SLC25A26: variants seen among roughly 807,000 people sequenced by gnomAD.
SLC25A26 encodes the protein mitochondrial S-adenosylmethionine carrier protein.
SLC25A26 carries 36 observed loss-of-function variants against 37.8 expected under a neutral mutation model. The ratio of observed to expected loss-of-function variants is 0.95; its 90% CI spans 0.73 to 1.26. The LOEUF is 1.26. Among genes scored for constraint, SLC25A26 ranks in the 50% most tolerant of loss-of-function variants. The pLI is 0.00. For missense variants in SLC25A26, 390 were observed against 331.1 expected (o/e 1.18, Z -1.38); for synonymous variants, 129 against 122.5 (o/e 1.05, Z -0.35).
intron 1 of SLC25A26, among the ~76,000 whole-genome samples, chr3:66,234,896 C>G (rs1276599619): frequency 6.6e-6 from 1 of 152,046 alleles, no homozygotes; most frequent in Non-Finnish European, 1.5e-5. Context: ...TTACATGGTT[C>G]TGATTTCAAA....
chr3:66,352,503 C>A (rs1289045168), intron 6 of SLC25A26, among the ~76,000 whole-genome samples: 2 of 145,862 alleles, frequency 1.4e-5, no homozygotes, highest in Non-Finnish European at 1.5e-5. Context: ...TAGAAATATT[C>A]TTTCTTCCTT....
At chr3:66,280,753 C>G (rs973947902) in intron 5 of SLC25A26, among the ~76,000 whole-genome samples, 3 of 151,978 alleles carry the variant, frequency 2.0e-5, no homozygotes, top group South Asian at 2.1e-4. Context: ...CCAGGATTCA[C>G]CAGTTAACAT....
rs550421970 is a variant in SLC25A26 at position 66,273,005 on chromosome 3, GT to G, written c.453+9631del. 2.2e-3 allele frequency among the ~76,000 whole-genome samples: 336 copies of G among 152,218 alleles called. 1 individual carries two copies. The highest frequency in any genetic ancestry group is 4.0e-3 in the Non-Finnish European group (270 of 67,996). On this transcript the variant is annotated intron_variant, in intron 5 of 9. Coordinates refer to ENST00000354883, the MANE Select transcript of SLC25A26 (RefSeq NM_001379210.1). ...TTATTGAGAGTTTTTAGCATGAAGG[GT>G]TTTTGAATCTTGTCAAAGGCCTTTT...
At chr3:66,282,696 T>C (rs911159522) in intron 5 of SLC25A26, among the ~76,000 whole-genome samples, 4 of 152,224 alleles carry the variant, frequency 2.6e-5, no homozygotes, top group African/African-American at 9.7e-5. Context: ...CACAGAATTA[T>C]GATTTATTTT....
intron 1 of SLC25A26, among the ~76,000 whole-genome samples, chr3:66,142,692 C>T (rs914205766): frequency 2.0e-5 from 3 of 152,164 alleles, no homozygotes; most frequent in Admixed American, 6.5e-5. Context: ...ATAGGTTTCC[C>T]TGTTTTTTTG....
chr3:66,261,983 T>C (rs1165536563), intron 3 of SLC25A26, 68 bp from the exon 4 acceptor site: 1 of 909,906 alleles, frequency 1.1e-6, no homozygotes, highest in Non-Finnish European at 1.7e-6. Flanking sequence ...CAATTTTTGC[T>C]TACCAAAAAA....
chr3:66,334,776 A>G (rs1344171290), intron 5 of SLC25A26, among the ~76,000 whole-genome samples: 1 of 152,140 alleles, frequency 6.6e-6, no homozygotes, highest in Non-Finnish European at 1.5e-5. Context: ...GGGCAGCCAT[A>G]GCTAACCCAG....
intron 1 of SLC25A26, among the ~76,000 whole-genome samples, chr3:66,164,028 G>A (rs151190690): frequency 6.6e-6 from 1 of 152,260 alleles, no homozygotes; most frequent in African/African-American, 2.4e-5. Context: ...GGCCCAAAAT[G>A]TCAATAGTGT....
At chr3:66,272,588 A>C (rs2073995719) in intron 5 of SLC25A26, among the ~76,000 whole-genome samples, 1 of 152,042 alleles carries the variant, frequency 6.6e-6, no homozygotes, top group Non-Finnish European at 1.5e-5. Context: ...TCTAGGTGTT[A>C]GTTTACATGC....
intron 7 of SLC25A26, among the ~76,000 whole-genome samples, chr3:66,365,344 T>G (rs1219036582): frequency 6.6e-6 from 1 of 152,238 alleles, no homozygotes; most frequent in Non-Finnish European, 1.5e-5. Context: ...TGTAAACTAC[T>G]TGGCGCAAAT....
At chr3:66,170,986 G>T (rs1200440263) in intron 1 of SLC25A26, among the ~76,000 whole-genome samples, 1 of 150,732 alleles carries the variant, frequency 6.6e-6, no homozygotes, top group African/African-American at 2.4e-5. Context: ...TGTATTTTTA[G>T]TAGAGACGGG....
At chr3:66,251,465 C>T (rs781955296) in intron 3 of SLC25A26, among the ~76,000 whole-genome samples, 14 of 152,146 alleles carry the variant, frequency 9.2e-5, no homozygotes, top group Non-Finnish European at 7.3e-5. Context: ...GTGTTGTGCA[C>T]CTACTTGAAT....
intron 6 of SLC25A26, among the ~76,000 whole-genome samples, chr3:66,347,098 G>C (rs549284347): frequency 1.3e-5 from 2 of 152,190 alleles, no homozygotes; most frequent in East Asian, 3.9e-4. Flanking sequence ...AAAAGCAATT[G>C]CAACAAAAGC....
Position 66,143,576 on chromosome 3 carries a change from G to A in SLC25A26, c.-354+9592G>A, listed in dbSNP as rs79705855. 6.2e-3 allele frequency among the ~76,000 whole-genome samples: 943 copies of A among 152,070 alleles called. 5 individuals are homozygous for A. The highest frequency in any genetic ancestry group is 0.014 in the Middle Eastern group (4 of 294). On this transcript the variant is annotated intron_variant, in intron 1 of 10. Coordinates refer to the SLC25A26 transcript ENST00000676754. The stretch of plus-strand genomic sequence containing the variant: ...ATTTGTGATGCAAAATGCAAATGAG[G>A]TCCCTCGTTTAAAAAAAAAATTATT...
intron 5 of SLC25A26, among the ~76,000 whole-genome samples, chr3:66,334,870 T>C (rs2076060020): frequency 6.6e-6 from 1 of 152,200 alleles, no homozygotes; most frequent in South Asian, 2.1e-4. Context: ...GCAGCAAAGC[T>C]AACTGATAAA....
chr3:66,152,929 A>T lies in SLC25A26; in HGVS notation c.-354+18945A>T, dbSNP rs532078129. 1.4e-4 allele frequency among the ~76,000 whole-genome samples: 21 copies of T among 152,304 alleles called. No individual in the cohort carries two copies. The South Asian group carries it at 3.5e-3, about 26-fold the overall frequency. On this transcript the variant is annotated intron_variant, in intron 1 of 10. Transcript: ENST00000676754. ...TCTGGCCGTTTAGAATTACCTGGGA[A>T]ATTTTTACAAATATAGATGTCTAGA...
At chr3:66,274,184 AC>A (rs1467249212) in intron 5 of SLC25A26, among the ~76,000 whole-genome samples, 2 of 151,876 alleles carry the variant, frequency 1.3e-5, no homozygotes, top group Non-Finnish European at 2.9e-5. Context: ...TGCTGGGAAA[AC>A]TGGCTAGCCA....
At chr3:66,298,222 T>G (rs9812041) in intron 5 of SLC25A26, among the ~76,000 whole-genome samples, 10,121 of 152,198 alleles carry the variant, frequency 0.066, 1,015 homozygotes, top group African/African-American at 0.22. Flanking sequence ...TTCTTCTGTT[T>G]TGAAAAAAAG....
chr3:66,342,393 G>A (rs374683556), intron 5 of SLC25A26, among the ~76,000 whole-genome samples: 2 of 151,912 alleles, frequency 1.3e-5, no homozygotes, highest in South Asian at 4.1e-4. Flanking sequence ...TTACAGTCAA[G>A]TCTTACTTAT....
Sources: gnomAD v4.1 joint callset for allele counts (sites outside exome capture counted in the v4.1 genomes callset) on GRCh38, gnomAD v4.1.1 for gene constraint, MANE v1.5 for transcripts, NCBI Gene and HGNC (gene_info 2026-07-23, HGNC 2026-07-21) for gene names.